ELAVL4: variants seen among roughly 807,000 people sequenced by gnomAD.
ELAVL4 encodes ELAV like RNA binding protein 4.
Under a neutral mutation model 35.6 loss-of-function variants are expected in ELAVL4, and 1 was observed. The ratio of observed to expected loss-of-function variants is 0.03; its 90% confidence interval spans 0.01 to 0.13. The LOEUF is 0.13. Ranked by LOEUF, ELAVL4 falls within the 10% of genes least tolerant of loss-of-function variation. The pLI is 1.00. For synonymous variants in ELAVL4, 156 were observed against 171.0 expected (o/e 0.91, Z 0.69); for missense variants, 267 against 464.9 (o/e 0.57, Z 3.91).
intron 1 of ELAVL4, among the ~76,000 whole-genome samples, chr1:50,083,732 G>A (rs190771025): frequency 1.1e-4 from 16 of 152,308 alleles, no homozygotes; most frequent in African/African-American, 3.6e-4. Context: ...CTGAAAATCA[G>A]TATTGAAATA....
At chr1:50,075,773 T>C in intron 1 of ELAVL4, among the ~76,000 whole-genome samples, 1 of 152,172 alleles carries the variant, frequency 6.6e-6, no homozygotes, top group Admixed American at 6.5e-5. Flanking sequence ...TGAAAATACA[T>C]ATTGTCAGCT....
intron 6 of ELAVL4, among the ~76,000 whole-genome samples, chr1:50,199,714 AAAAG>A (rs1024636302): frequency 3.2e-4 from 49 of 151,962 alleles, no homozygotes; most frequent in African/African-American, 6.3e-4. Context: ...TCTCAAAAAA[AAAAG>A]AAAGAAAGAA....
intron 1 of ELAVL4, among the ~76,000 whole-genome samples, chr1:50,071,022 G>A (rs1353518355): frequency 6.6e-6 from 1 of 151,996 alleles, no homozygotes; most frequent in African/African-American, 2.4e-5. Flanking sequence ...TGTCCAACTG[G>A]CTCCTTAGCG....
intron 1 of ELAVL4, among the ~76,000 whole-genome samples, chr1:50,096,707 T>C (rs759007733): frequency 4.6e-5 from 7 of 152,116 alleles, no homozygotes; most frequent in Non-Finnish European, 1.0e-4. Context: ...GTGAACATTT[T>C]TGAGTAAGTA....
At chr1:50,161,917 C>T (rs1446242541) in intron 2 of ELAVL4, among the ~76,000 whole-genome samples, 1 of 152,170 alleles carries the variant, frequency 6.6e-6, no homozygotes, top group African/African-American at 2.4e-5. Flanking sequence ...AATAGTGTAG[C>T]TTTGTAATTG....
At chr1:50,121,404 A>G (rs535562811) in intron 1 of ELAVL4, among the ~76,000 whole-genome samples, 1 of 152,190 alleles carries the variant, frequency 6.6e-6, no homozygotes, top group Admixed American at 6.6e-5. Context: ...GGCATTAAAA[A>G]TTAAAACAAT....
At chr1:50,198,466 G>A (rs1572637325) in intron 6 of ELAVL4, among the ~76,000 whole-genome samples, 1 of 152,170 alleles carries the variant, frequency 6.6e-6, no homozygotes, top group East Asian at 1.9e-4. Context: ...TCCATGGTAA[G>A]TACCCTGACT....
In ELAVL4 at chr1:50,064,449, C is replaced by A. The variant is rs535454673; in HGVS notation, c.18+16267C>A. Among the ~76,000 whole-genome samples the A allele has an allele frequency of 2.6e-4, 40 of 152,160 alleles. No individual in the cohort carries two copies. In the South Asian group the frequency reaches 3.9e-3, roughly 15 times the overall value. Reference sequence around the variant, plus strand: ...TAATCTTACTATTCATTTTCTAGATCTATTGATTGGCATGACGTGGTAGTT... The same window carrying A: ...TAATCTTACTATTCATTTTCTAGATATATTGATTGGCATGACGTGGTAGTT... On this transcript the variant is annotated intron_variant, in intron 1 of 6. Transcript: ENST00000448907.
At position 50,145,041 on chromosome 1, in the gene ELAVL4, CCTT is replaced by C. The variant is rs1054057816; in HGVS notation, c.97_99del (p.Ser33del). ...ACCCTCCAGCAACAACAGAAACTGT[CCTT>C]CTCCCATGCAAACAGGGGCAACCAC... On this transcript the variant is annotated inframe_deletion, in exon 2 of 7. Coordinates refer to ENST00000371824, the MANE Select transcript of ELAVL4 (RefSeq NM_001144774.3). 1.2e-6 allele frequency: 2 copies of C among 1,613,972 alleles called. No homozygotes were observed. Among genetic ancestry groups the C allele is most frequent in the East Asian group, 2.2e-5 (1 of 44,834 alleles).
At chr1:50,145,406 A>G (rs1042197587) in intron 2 of ELAVL4, among the ~76,000 whole-genome samples, 1 of 152,186 alleles carries the variant, frequency 6.6e-6, no homozygotes, top group Non-Finnish European at 1.5e-5. Flanking sequence ...ATTTTGGTAC[A>G]TCTTCATCTT....
chr1:50,138,965 A>G (rs1211967578), intron 1 of ELAVL4, among the ~76,000 whole-genome samples: 4 of 152,306 alleles, frequency 2.6e-5, no homozygotes, highest in South Asian at 4.1e-4. Flanking sequence ...ATACTTTAAA[A>G]CTATTTAGTT....
chr1:50,072,941 C>T (rs1022368610), intron 1 of ELAVL4, among the ~76,000 whole-genome samples: 1 of 152,178 alleles, frequency 6.6e-6, no homozygotes, highest in Non-Finnish European at 1.5e-5. Flanking sequence ...AGACTGTAAA[C>T]TCTTTGGGAG....
intron 2 of ELAVL4, among the ~76,000 whole-genome samples, chr1:50,157,073 C>G (rs1355316974): frequency 6.6e-6 from 1 of 152,170 alleles, no homozygotes; most frequent in Non-Finnish European, 1.5e-5. Context: ...AAGAAGTCAT[C>G]ATAAATCCAA....
intron 1 of ELAVL4, among the ~76,000 whole-genome samples, chr1:50,065,305 A>G (rs950757719): frequency 7.2e-5 from 11 of 152,190 alleles, no homozygotes; most frequent in Non-Finnish European, 1.2e-4. Context: ...GTTAGAACAG[A>G]TTATACCGGA....
intron 2 of ELAVL4, among the ~76,000 whole-genome samples, chr1:50,147,541 C>G (rs150808493): frequency 1.3e-5 from 2 of 152,016 alleles, no homozygotes; most frequent in African/African-American, 2.4e-5. Flanking sequence ...AGGACCTCCC[C>G]GAGGCCAACA....
At chr1:50,116,284 T>C (rs912837582) in intron 1 of ELAVL4, among the ~76,000 whole-genome samples, 1 of 152,110 alleles carries the variant, frequency 6.6e-6, no homozygotes, top group Admixed American at 6.6e-5. Context: ...TTTTCCTCTG[T>C]TACCTCCCAG....
chr1:50,200,697 G>C, intron 6 of ELAVL4, 154 bp from the exon 7 acceptor site: 1 of 1,421,476 alleles, frequency 7.0e-7, no homozygotes, highest in East Asian at 2.3e-5. Context: ...AAATGACATA[G>C]ACATTAGTTT....
Position 50,201,160 on chromosome 1 carries a change from CA to C in ELAVL4, c.1086del (p.Ala363ProfsTer12). 1 of 1,592,696 alleles carries C rather than the reference CA, an allele frequency of 6.3e-7. No homozygotes were observed. The highest frequency in any genetic ancestry group is 2.2e-5 in the East Asian group (1 of 44,668). On this transcript the variant is annotated frameshift_variant, in exon 7 of 7. Coordinates refer to ENST00000371824, the MANE Select transcript of ELAVL4 (RefSeq NM_001144774.3). LOFTEE classifies it high-confidence loss of function. The surrounding 1 kb of genome is among the most constrained non-coding windows in gnomAD (Gnocchi z 4.3). ...TGTTGCAAGTTTCCTTTAAAACCAA[CA>C]AAGCCCACAAGTCCTGAATTTCCCA... Reference protein sequence around the residue: ...RVLQVSFKTNKAHKS With the variant: ...RVLQVSFKTNXAHKS
intron 2 of ELAVL4, among the ~76,000 whole-genome samples, chr1:50,155,465 G>A (rs1675566952): frequency 6.6e-6 from 1 of 152,004 alleles, no homozygotes; most frequent in Non-Finnish European, 1.5e-5. Context: ...CATCTTTCTT[G>A]CCTGGGTCCA....
Sources: gnomAD v4.1 joint callset for allele counts (sites outside exome capture counted in the v4.1 genomes callset) on GRCh38, gnomAD v4.1.1 for gene constraint, Gnocchi (gnomAD v3.1) non-coding constraint, MANE v1.5 for transcripts, NCBI Gene and HGNC (gene_info 2026-07-23, HGNC 2026-07-21) for gene names.